The following SLC35F4 variants were observed in gnomAD, a reference collection of about 807,000 sequenced individuals.
SLC35F4 encodes solute carrier family 35 member F4.
In SLC35F4, 24 loss-of-function variants were observed where a neutral mutation model predicts 44.2. The observed-to-expected ratio is 0.54, with a 90% CI of 0.39 to 0.76. The LOEUF (loss-of-function observed/expected upper bound fraction) is 0.76. SLC35F4 is among the 30% of genes least tolerant of loss of function. The probability of loss-of-function intolerance (pLI) is 0.00; values close to 1 mark genes in which losing one functional copy is unlikely to be tolerated. For synonymous variants in SLC35F4, 238 were observed against 223.6 expected (o/e 1.06, Z -0.57); for missense variants, 562 against 586.1 (o/e 0.96, Z 0.42).
At chr14:57,692,140 T>C (rs1056586491) in intron 1 of SLC35F4, among the ~76,000 whole-genome samples, 4 of 152,232 alleles carry the variant, frequency 2.6e-5, no homozygotes, top group African/African-American at 9.6e-5. Context: ...CAACAGACTA[T>C]ATTTGAAATT....
At chr14:57,660,577 G>A (rs903370871) in intron 1 of SLC35F4, among the ~76,000 whole-genome samples, 2 of 150,590 alleles carry the variant, frequency 1.3e-5, no homozygotes, top group African/African-American at 2.4e-5. Context: ...AGGAGACCAC[G>A]TGAGATGGTC....
chr14:57,709,979 A>C (rs1422383276), intron 1 of SLC35F4, among the ~76,000 whole-genome samples: 1 of 152,234 alleles, frequency 6.6e-6, no homozygotes, highest in African/African-American at 2.4e-5. Context: ...TGGCTGCAGA[A>C]ATGTGCATAA....
chr14:57,775,965 T>C (rs2140712305), intron 1 of SLC35F4, among the ~76,000 whole-genome samples: 1 of 152,300 alleles, frequency 6.6e-6, no homozygotes, highest in South Asian at 2.1e-4. Flanking sequence ...GTAACTGACC[T>C]GACAGAGCTG....
At chr14:57,805,391 C>A (rs1315670531) in intron 1 of SLC35F4, among the ~76,000 whole-genome samples, 2 of 152,144 alleles carry the variant, frequency 1.3e-5, no homozygotes, top group Non-Finnish European at 2.9e-5. Flanking sequence ...CAATGATAGA[C>A]TGGATAAAGA....
rs546989490 is a variant in SLC35F4 at position 57,920,344 on chromosome 14, G to A, written n.282+61569C>T. On this transcript the variant is annotated intron_variant and non_coding_transcript_variant, in intron 1 of 1. Coordinates refer to the SLC35F4 transcript ENST00000556568. ...AATCCCAGCACTTTGAGAAGTCAAC[G>A]CAGGAGGATCACTTGAGCCCAGGAG... Among the ~76,000 whole-genome samples the A allele has an allele frequency of 2.1e-4, 32 of 152,252 alleles. No homozygotes were observed. In the South Asian group the frequency reaches 5.0e-3, roughly 24 times the overall value.
intron 1 of SLC35F4, among the ~76,000 whole-genome samples, chr14:57,595,020 G>A (rs1292505041): frequency 6.6e-6 from 1 of 151,952 alleles, no homozygotes; most frequent in African/African-American, 2.4e-5. Context: ...GATTAACACT[G>A]GTACATCACT....
chr14:57,856,957 A>T (rs914534935), intron 1 of SLC35F4, among the ~76,000 whole-genome samples: 4 of 152,040 alleles, frequency 2.6e-5, no homozygotes, highest in African/African-American at 9.7e-5. Flanking sequence ...CAGTAACTTT[A>T]TTCTACTCTG....
chr14:57,788,916 G>T (rs2077838654), intron 1 of SLC35F4, among the ~76,000 whole-genome samples: 1 of 152,110 alleles, frequency 6.6e-6, no homozygotes, highest in Admixed American at 6.5e-5. Context: ...TGACTACTGG[G>T]TACATAACGA....
chr14:57,779,269 C>A (rs1295679377), intron 1 of SLC35F4, among the ~76,000 whole-genome samples: 1 of 151,836 alleles, frequency 6.6e-6, no homozygotes, highest in African/African-American at 2.4e-5. Flanking sequence ...TCAGAAGGTC[C>A]AAATAAACAT....
intron 1 of SLC35F4, among the ~76,000 whole-genome samples, chr14:57,639,805 A>C (rs1403265405): frequency 6.6e-6 from 1 of 151,966 alleles, no homozygotes; most frequent in African/African-American, 2.4e-5. Context: ...ATGGAGCAAA[A>C]CTTCTGCCTT....
upstream of SLC35F4, among the ~76,000 whole-genome samples, chr14:57,870,390 G>T (rs544358589): frequency 6.6e-6 from 1 of 152,024 alleles, no homozygotes; most frequent in Non-Finnish European, 1.5e-5. Flanking sequence ...TTCTAGCTGC[G>T]TGACCTTGGG....
At chr14:57,677,845 C>A (rs1843136135) in intron 1 of SLC35F4, among the ~76,000 whole-genome samples, 1 of 151,710 alleles carries the variant, frequency 6.6e-6, no homozygotes, top group African/African-American at 2.4e-5. Context: ...GGGCAAGGGT[C>A]ATGAACAGGC....
chr14:57,806,963 C>T (rs1056706016), intron 1 of SLC35F4, among the ~76,000 whole-genome samples: 2 of 152,134 alleles, frequency 1.3e-5, no homozygotes, highest in Non-Finnish European at 2.9e-5. Flanking sequence ...AATCCCATTG[C>T]CTGCTAATAA....
chr14:57,631,021 T>C (rs531514709), intron 1 of SLC35F4: 1 of 213,630 alleles, frequency 4.7e-6, no homozygotes, highest in Admixed American at 6.3e-5. Flanking sequence ...CTTTCATATT[T>C]GTATTTGGTA....
Position 57,771,817 on chromosome 14 carries a change from C to T in SLC35F4, c.103+93906G>A, listed in dbSNP as rs540602760. ...CTGTGTTGTCCAGGCTGGTTTTGAACGCCTGCGCTCAAGCACTCTTTCTGC... is the reference window on the plus strand; with the variant it reads ...CTGTGTTGTCCAGGCTGGTTTTGAATGCCTGCGCTCAAGCACTCTTTCTGC... On this transcript the variant is annotated intron_variant, in intron 1 of 7. Transcript: ENST00000556826. 1.4e-4 allele frequency among the ~76,000 whole-genome samples: 21 copies of T among 152,254 alleles called. 1 individual carries two copies. The East Asian group carries it at 2.3e-3, about 17-fold the overall frequency.
At chr14:57,841,632 C>T (rs1230502962) in intron 1 of SLC35F4, among the ~76,000 whole-genome samples, 1 of 152,074 alleles carries the variant, frequency 6.6e-6, no homozygotes, top group Non-Finnish European at 1.5e-5. Context: ...AATTCCAGTG[C>T]CCTAAAGGTA....
At chr14:57,840,327 A>G (rs1222397087) in intron 1 of SLC35F4, among the ~76,000 whole-genome samples, 1 of 152,212 alleles carries the variant, frequency 6.6e-6, no homozygotes, top group Non-Finnish European at 1.5e-5. Flanking sequence ...AATAGCATAA[A>G]CTAATACTCA....
chr14:57,964,989 A>ATATATATATATATATATAT (rs1351434287), intron 1 of SLC35F4, among the ~76,000 whole-genome samples: 2 of 127,916 alleles, frequency 1.6e-5, no homozygotes, highest in African/African-American at 6.6e-5. Context: ...AAAAAAAAAA[A>ATATATATATATATATATAT]AAATATATAT....
At chr14:57,839,210 TTC>T (rs1408296103) in intron 1 of SLC35F4, among the ~76,000 whole-genome samples, 1 of 152,138 alleles carries the variant, frequency 6.6e-6, no homozygotes, top group African/African-American at 2.4e-5. Flanking sequence ...TCACCAATAT[TTC>T]TCTGTTCCTG....
Sources: allele counts gnomAD v4.1 joint callset (sites outside exome capture counted in the v4.1 genomes callset), GRCh38; gene constraint gnomAD v4.1.1; transcripts MANE v1.5; gene names NCBI Gene and HGNC (gene_info 2026-07-23, HGNC 2026-07-21).